PPM1E: variants seen among roughly 807,000 people sequenced by gnomAD.
PPM1E encodes the protein protein phosphatase 1E.
PPM1E carries 20 observed loss-of-function variants against 65.9 expected under a neutral mutation model. The observed-to-expected ratio is 0.30, with a 90% confidence interval of 0.21 to 0.44. The LOEUF is 0.44. Ranked by LOEUF, PPM1E falls within the 20% of genes least tolerant of loss-of-function variation. PPM1E has a pLI of 1.00. For synonymous variants in PPM1E, 352 were observed against 374.9 expected (o/e 0.94, Z 0.70); for missense variants, 713 against 953.1 (o/e 0.75, Z 3.32).
At chr17:58,918,247 A>G (rs1195282141) in intron 1 of PPM1E, among the ~76,000 whole-genome samples, 3 of 152,206 alleles carry the variant, frequency 2.0e-5, no homozygotes, top group African/African-American at 7.2e-5. Flanking sequence ...GAAGCTGCCA[A>G]CTGTATTGGA....
chr17:58,793,700 A>G (rs2050178733), intron 1 of PPM1E, among the ~76,000 whole-genome samples: 1 of 152,128 alleles, frequency 6.6e-6, no homozygotes, highest in Admixed American at 6.6e-5. Context: ...GTTAATCTAC[A>G]TCTGAGATCT....
At chr17:58,946,989 C>T (rs2052160062) in intron 1 of PPM1E, among the ~76,000 whole-genome samples, 1 of 151,112 alleles carries the variant, frequency 6.6e-6, no homozygotes, top group African/African-American at 2.4e-5. Context: ...ATGCATTTGG[C>T]ATTAATTTTT....
At chr17:58,865,880 C>T (rs1459607027) in intron 1 of PPM1E, among the ~76,000 whole-genome samples, 1 of 152,158 alleles carries the variant, frequency 6.6e-6, no homozygotes, top group Admixed American at 6.5e-5. Flanking sequence ...TCCCTAGGCA[C>T]AGAATTTAGA....
At chr17:58,936,402 A>T (rs2051980730) in intron 1 of PPM1E, among the ~76,000 whole-genome samples, 1 of 152,136 alleles carries the variant, frequency 6.6e-6, no homozygotes. Flanking sequence ...TCATCATAAT[A>T]TGTGGGCTGA....
chr17:58,859,356 C>A (rs2050915531), intron 1 of PPM1E, among the ~76,000 whole-genome samples: 1 of 152,222 alleles, frequency 6.6e-6, no homozygotes, highest in Non-Finnish European at 1.5e-5. Flanking sequence ...CCTTTCAAGG[C>A]TCAAAATAAT....
chr17:58,960,288 G>A (rs962687616), intron 2 of PPM1E, among the ~76,000 whole-genome samples: 17 of 152,170 alleles, frequency 1.1e-4, no homozygotes, highest in African/African-American at 4.1e-4. Context: ...TTTCTCAGTT[G>A]TTTTTACAGA....
intron 1 of PPM1E, among the ~76,000 whole-genome samples, chr17:58,793,777 G>T (rs1051689375): frequency 1.3e-5 from 2 of 152,002 alleles, no homozygotes; most frequent in Admixed American, 6.6e-5. Context: ...TATTTACAAG[G>T]TCTCAACATC....
Position 58,928,983 on chromosome 17 carries a change from C to T in PPM1E, c.465-26666C>T, listed in dbSNP as rs146026218. Among the ~76,000 whole-genome samples, 510 of 152,210 alleles carry T rather than the reference C, an allele frequency of 3.4e-3. 18 individuals are homozygous for T. The East Asian group carries it at 0.087, about 26-fold the overall frequency. Reference sequence around the variant, plus strand: ...CCTCCCAAAGTGCAGGGATTACAGGCGTGAGCCACTGCGCCCGGCCGAACA... The same window carrying T: ...CCTCCCAAAGTGCAGGGATTACAGGTGTGAGCCACTGCGCCCGGCCGAACA... On this transcript the variant is annotated intron_variant, in intron 1 of 6. Coordinates refer to ENST00000308249, the MANE Select transcript of PPM1E (RefSeq NM_014906.5).
chr17:58,800,342 A>G (rs1453868587), intron 1 of PPM1E, among the ~76,000 whole-genome samples: 1 of 152,126 alleles, frequency 6.6e-6, no homozygotes, highest in Non-Finnish European at 1.5e-5. Flanking sequence ...GTAAATATTT[A>G]CATCTTTGTT....
chr17:58,832,934 A>T, intron 1 of PPM1E, among the ~76,000 whole-genome samples: 1 of 151,940 alleles, frequency 6.6e-6, no homozygotes, highest in Admixed American at 6.6e-5. Context: ...TTCCTCAGCC[A>T]TCTGAGCAGC....
chr17:58,800,998 A>T (rs1567837533), intron 1 of PPM1E, among the ~76,000 whole-genome samples: 2 of 151,952 alleles, frequency 1.3e-5, no homozygotes, highest in East Asian at 3.9e-4. Flanking sequence ...CTTGATTTTT[A>T]ATTTAATTCT....
rs1185945526 is a variant in PPM1E at position 58,982,871 on chromosome 17, C to G, written c.*1840C>G. The G allele has an allele frequency of 5.8e-6, 9 of 1,557,584 alleles. No individual in the cohort carries two copies. The highest frequency in any genetic ancestry group is 7.9e-6 in the Non-Finnish European group (9 of 1,146,040). ...CACTCATATCTGTCACCTTCTGAAG[C>G]CTAGATCTTGTTAACCCATCAGGTG... On this transcript the variant is annotated 3_prime_UTR_variant, in exon 7 of 7. Coordinates refer to ENST00000308249, the MANE Select transcript of PPM1E (RefSeq NM_014906.5).
intron 2 of PPM1E, among the ~76,000 whole-genome samples, chr17:58,958,778 T>C (rs1032670985): frequency 4.1e-4 from 63 of 151,892 alleles, no homozygotes; most frequent in African/African-American, 1.4e-3. Context: ...TTTTTTTTAT[T>C]ATATAGTTAT....
intron 6 of PPM1E, 146 bp downstream of exon 6, chr17:58,973,071 TTTAA>T (rs1262214108): frequency 1.7e-6 from 1 of 587,914 alleles, no homozygotes; most frequent in Non-Finnish European, 3.0e-6. Context: ...TAACGTCTCT[TTTAA>T]TTGTTTGATT....
intron 1 of PPM1E, among the ~76,000 whole-genome samples, chr17:58,888,699 T>G (rs1053094120): frequency 6.6e-6 from 1 of 152,176 alleles, no homozygotes; most frequent in African/African-American, 2.4e-5. Context: ...CCCTCATTTA[T>G]TTCCTGTTTT....
chr17:58,856,789 C>G (rs1160574361), intron 1 of PPM1E, among the ~76,000 whole-genome samples: 1 of 152,138 alleles, frequency 6.6e-6, no homozygotes, highest in Non-Finnish European at 1.5e-5. Context: ...ACATCTAGAT[C>G]TGGAATTTCT....
At chr17:58,798,598 AT>A (rs947394280) in intron 1 of PPM1E, among the ~76,000 whole-genome samples, 18 of 125,352 alleles carry the variant, frequency 1.4e-4, no homozygotes, top group East Asian at 9.1e-4. Context: ...ATGAATATCT[AT>A]TTTTTTCTTC....
intron 1 of PPM1E, among the ~76,000 whole-genome samples, chr17:58,844,525 G>A (rs1467895195): frequency 1.3e-5 from 2 of 152,164 alleles, no homozygotes. Context: ...CTCTTATTGA[G>A]TTTGTAAAGA....
At chr17:58,810,924 C>T (rs1215766375) in intron 1 of PPM1E, among the ~76,000 whole-genome samples, 1 of 152,014 alleles carries the variant, frequency 6.6e-6, no homozygotes, top group Non-Finnish European at 1.5e-5. Flanking sequence ...GTGGCACAAT[C>T]TTGGCTCTGT....
Sources: gnomAD v4.1 joint callset for allele counts (sites outside exome capture counted in the v4.1 genomes callset) on GRCh38, gnomAD v4.1.1 for gene constraint, MANE v1.5 for transcripts, NCBI Gene and HGNC (gene_info 2026-07-23, HGNC 2026-07-21) for gene names.